Variants in TRAF6 observed in about 807,000 individuals in gnomAD.
TRAF6 encodes TNF receptor-associated factor 6.
In TRAF6, 10 loss-of-function variants were observed where a neutral mutation model predicts 48.4. That is an observed-to-expected ratio of 0.21 (90% CI 0.13 to 0.35). TRAF6 has a LOEUF of 0.35. Ranked by LOEUF, TRAF6 falls within the 10% of genes least tolerant of loss-of-function variation. The pLI is 1.00. For missense variants in TRAF6, 397 were observed against 661.0 expected, an observed-to-expected ratio of 0.60 and a Z score of 4.38; for synonymous variants, 186 against 219.6, an observed-to-expected ratio of 0.85 and a Z score of 1.35.
rs750866991 is a variant in TRAF6 at position 36,497,104 on chromosome 11, A to G, written c.606+4T>C. 175 of 1,612,660 alleles carry G rather than the reference A, an allele frequency of 1.1e-4. 2 individuals carry two copies. The South Asian group carries it at 1.9e-3, about 17-fold the overall frequency. ...GAATTTAACAAATCCAAGTTAGTACATGCCTCTTTATCTTCAAATGCCATT... is the reference window on the plus strand; with the variant it reads ...GAATTTAACAAATCCAAGTTAGTACGTGCCTCTTTATCTTCAAATGCCATT... On this transcript the variant is annotated splice_donor_region_variant and intron_variant, in intron 4 of 6. Transcript: ENST00000526995.
intron 2 of TRAF6, among the ~76,000 whole-genome samples, chr11:36,500,673 G>C (rs1000893055): frequency 1.3e-5 from 2 of 152,170 alleles, no homozygotes; most frequent in Admixed American, 6.6e-5. Context: ...AGTCACAACA[G>C]GGTGGTAGCA....
chr11:36,494,216 A>G (rs1859599072), intron 5 of TRAF6, among the ~76,000 whole-genome samples: 2 of 152,058 alleles, frequency 1.3e-5, no homozygotes, highest in Admixed American at 1.3e-4. Context: ...AATCTAAAAA[A>G]ATAAAAAATT....
In TRAF6 at chr11:36,486,281, C is replaced by T. The variant is rs112761910; in HGVS notation, c.*3557G>A. On this transcript the variant is annotated 3_prime_UTR_variant, in exon 7 of 7. Coordinates refer to ENST00000526995, the MANE Select transcript of TRAF6 (RefSeq NM_004620.4). ...CTCGAACTCCTGGCTTCAAGTAATC[C>T]GCCAGCCTCCACCTCCCAAAGTGCT... Among the ~76,000 whole-genome samples the T allele has an allele frequency of 2.6e-5, 4 of 152,222 alleles. No homozygotes were observed. The highest frequency in any genetic ancestry group is 4.8e-5 in the African/African-American group (2 of 41,504).
At chr11:36,495,344 C>T (rs1368101705) in intron 4 of TRAF6, among the ~76,000 whole-genome samples, 2 of 152,178 alleles carry the variant, frequency 1.3e-5, no homozygotes, top group African/African-American at 4.8e-5. Context: ...CTACTTTGGA[C>T]ATCATCTGCC....
intron 1 of TRAF6, among the ~76,000 whole-genome samples, chr11:36,507,679 G>A (rs1859820155): frequency 1.5e-5 from 1 of 66,854 alleles, no homozygotes; most frequent in African/African-American, 5.7e-5. Context: ...GTGTATATAT[G>A]TATACATACA....
rs1859475211 is a variant in TRAF6, at chr11:36,485,834, G to A, written c.*4004C>T. Among the ~76,000 whole-genome samples, 1 of 152,082 alleles carries A rather than the reference G, an allele frequency of 6.6e-6. No homozygotes were observed. The highest frequency in any genetic ancestry group is 2.4e-5 in the African/African-American group (1 of 41,352). ...ATCAGATCATCTTTCTGGATACTGG[G>A]AATTTGTAAGTGCCAAGTACACTCT... On this transcript the variant is annotated 3_prime_UTR_variant, in exon 7 of 7. Coordinates refer to ENST00000526995, the MANE Select transcript of TRAF6 (RefSeq NM_004620.4).
rs1472455460 is a variant in TRAF6 at position 36,485,855 on chromosome 11, A to C, written c.*3983T>G. On this transcript the variant is annotated 3_prime_UTR_variant, in exon 7 of 7. Transcript: ENST00000526995. ...CTGGGAATTTGTAAGTGCCAAGTACACTCTACAGGCACAAAGACAGAAACA... is the reference window on the plus strand; with the variant it reads ...CTGGGAATTTGTAAGTGCCAAGTACCCTCTACAGGCACAAAGACAGAAACA... 1.3e-5 allele frequency among the ~76,000 whole-genome samples: 2 copies of C among 152,214 alleles called. No homozygotes were observed. The highest frequency in any genetic ancestry group is 2.9e-5 in the Non-Finnish European group (2 of 68,028).
chr11:36,484,719 C>T lies in TRAF6; in HGVS notation c.*5119G>A, dbSNP rs1859458419. On this transcript the variant is annotated 3_prime_UTR_variant, in exon 7 of 7. Coordinates refer to ENST00000526995, the MANE Select transcript of TRAF6 (RefSeq NM_004620.4). ...TATATGCTAAATTACACCTTTTCAT[C>T]CCTCTGAGAACATAATTCTGGAAGC... Among the ~76,000 whole-genome samples the T allele has an allele frequency of 6.6e-6, 1 of 152,198 alleles. No individual in the cohort carries two copies. Among genetic ancestry groups the T allele is most frequent in the Non-Finnish European group, 1.5e-5 (1 of 68,038 alleles).
intron 3 of TRAF6, among the ~76,000 whole-genome samples, chr11:36,498,057 G>A (rs1236985675): frequency 1.3e-5 from 2 of 151,908 alleles, no homozygotes; most frequent in African/African-American, 4.8e-5. Context: ...GCTAATTTTT[G>A]TATTTTTAGT....
chr11:36,498,586 T>C lies in TRAF6; in HGVS notation c.351A>G (p.Leu117=), dbSNP rs138490283. 228 of 1,613,532 alleles carry C rather than the reference T, an allele frequency of 1.4e-4. No homozygotes were observed. The African/African-American group carries it at 2.9e-3, about 20-fold the overall frequency. The change falls in exon 3 of 7, where the codon CTA becomes CTG. Residue 117 remains leucine (L), a synonymous_variant. Coordinates refer to ENST00000526995, the MANE Select transcript of TRAF6 (RefSeq NM_004620.4). ...CACGTTTTGCAAAATTGTCTGGAAA[T>C]AGTTGATTTTCCAGCAGTATTTCAT... ...VDNEILLENQ[L]FPDNFAKREI... is the part of the protein sequence containing the mutation.
intron 1 of TRAF6, among the ~76,000 whole-genome samples, chr11:36,506,940 T>G (rs993827904): frequency 1.3e-5 from 2 of 152,118 alleles, no homozygotes; most frequent in African/African-American, 4.8e-5. Context: ...TTAGCATTTT[T>G]GTTTCCTCTT....
chr11:36,488,061 CAATT>C lies in TRAF6; in HGVS notation c.*1773_*1776del, dbSNP rs1859510548. ...TGTTCAGTTTTTAAATGGAACTTGACAATTATTTATTCATTGTAAAATAATCACA... is the reference window on the plus strand; with the variant it reads ...TGTTCAGTTTTTAAATGGAACTTGACATTTATTCATTGTAAAATAATCACA... On this transcript the variant is annotated 3_prime_UTR_variant, in exon 7 of 7. Transcript: ENST00000526995. 6.6e-6 allele frequency: 1 copy of C among 152,108 alleles called. No homozygotes were observed. The highest frequency in any genetic ancestry group is 1.5e-5 in the Non-Finnish European group (1 of 68,028). The allele number at this position is 152,108 out of a possible 1,614,324, so 9.4% of individuals were successfully genotyped here.
chr11:36,497,924 G>A (rs886473004), intron 3 of TRAF6, among the ~76,000 whole-genome samples: 29 of 147,078 alleles, frequency 2.0e-4, no homozygotes, highest in African/African-American at 6.1e-4. Flanking sequence ...TCGCTCTGTC[G>A]CCCAGGCTGG....
intron 6 of TRAF6, among the ~76,000 whole-genome samples, 176 bp downstream of exon 6, chr11:36,492,375 T>G (rs1859575412): frequency 6.6e-6 from 1 of 152,234 alleles, no homozygotes; most frequent in Non-Finnish European, 1.5e-5. Context: ...TCTGAATGCT[T>G]TAGGCATTGC....
At chr11:36,496,111 G>A (rs990259859) in intron 4 of TRAF6, among the ~76,000 whole-genome samples, 1 of 152,126 alleles carries the variant, frequency 6.6e-6, no homozygotes, top group African/African-American at 2.4e-5. Context: ...TAAATTATAT[G>A]TAGGTTATTT....
In TRAF6 at chr11:36,501,358, A is replaced by T. The variant is rs904321355; in HGVS notation, c.158T>A (p.Ile53Asn). 2.5e-6 allele frequency: 4 copies of T among 1,614,024 alleles called. No homozygotes were observed. The highest frequency in any genetic ancestry group is 3.4e-6 in the Non-Finnish European group (4 of 1,180,014). The stretch of plus-strand genomic sequence containing the variant: ...GTCAAACTCTACATCATATCCCTGG[A>T]TCTCCTCCATAAATGAGCTGGAGAG... ...GNLSSSFMEE[I>N]QGYDVEFDPP... The change falls in exon 2 of 7, where the codon ATC becomes AAC. Residue 53 changes from isoleucine (I) to asparagine (N), a missense_variant. By Grantham distance (149) the Ile-to-Asn change is moderately radical. Around this residue, in one of 4 missense-constraint regions of TRAF6, gnomAD observed 73 missense variants for 87.3 expected, o/e 0.84. Transcript: ENST00000526995.
In TRAF6 at chr11:36,490,913, A is replaced by AAC. The variant is rs997661242; in HGVS notation, c.757-264_757-263insGT. Among the ~76,000 whole-genome samples the AAC allele has an allele frequency of 3.3e-5, 5 of 152,164 alleles. No homozygotes were observed. The highest frequency in any genetic ancestry group is 7.3e-5 in the Non-Finnish European group (5 of 68,034). The stretch of plus-strand genomic sequence containing the variant: ...CCACCTACAAAAAATGTATTTACAC[A>AAC]CATCCTTCTTTTCTAACTGAGATGC... On this transcript the variant is annotated intron_variant, in intron 6 of 6. Transcript: ENST00000526995. The surrounding 1 kb of genome is among the most constrained non-coding windows in gnomAD (Gnocchi z 6.4).
intron 3 of TRAF6, 22 bp downstream of exon 3, chr11:36,498,468 A>G (rs1470327890): frequency 1.3e-6 from 2 of 1,599,042 alleles, no homozygotes; most frequent in Non-Finnish European, 1.7e-6. Context: ...ATGTGCTAAC[A>G]GCTAGAAAAG....
chr11:36,496,884 A>C (rs950582685), intron 4 of TRAF6, among the ~76,000 whole-genome samples: 1 of 152,156 alleles, frequency 6.6e-6, no homozygotes. Flanking sequence ...AGTGATAACT[A>C]GTATAAATGT....
Sources: allele counts gnomAD v4.1 joint callset (sites outside exome capture counted in the v4.1 genomes callset), GRCh38; gene constraint gnomAD v4.1.1; regional missense constraint gnomAD v4.1.1; non-coding constraint Gnocchi (gnomAD v3.1); transcripts MANE v1.5; gene names NCBI Gene and HGNC (gene_info 2026-07-23, HGNC 2026-07-21).